The following PTBP2 variants were observed in gnomAD, a reference collection of about 807,000 sequenced individuals.
PTBP2 encodes polypyrimidine tract-binding protein 2.
A neutral mutation model predicts 61.4 loss-of-function variants in PTBP2; 13 were observed. That is an observed-to-expected ratio of 0.21 (90% CI 0.14 to 0.34). The LOEUF (loss-of-function observed/expected upper bound fraction) is 0.34. Ranked by LOEUF, PTBP2 falls within the 10% of genes least tolerant of loss-of-function variation. The probability of loss-of-function intolerance (pLI) is 1.00; values close to 1 mark genes in which losing one functional copy is unlikely to be tolerated. For synonymous variants in PTBP2, 215 were observed against 218.5 expected, an observed-to-expected ratio of 0.98 and a Z score of 0.14; for missense variants, 405 against 642.6, an observed-to-expected ratio of 0.63 and a Z score of 4.00.
chr1:96,737,336 C>T (rs1408925171), intron 2 of PTBP2, among the ~76,000 whole-genome samples: 4 of 152,128 alleles, frequency 2.6e-5, no homozygotes, highest in Admixed American at 6.5e-5. Context: ...GTTCATACTA[C>T]GTTTCTTTTG....
rs769100222 is a variant in PTBP2 at position 96,804,898 on chromosome 1, G to A, written c.1003G>A (p.Gly335Ser). ...GRVGMPGVSA[G>S]GNTVLLVSNL... The stretch of plus-strand genomic sequence containing the variant: ...AGTGGGTATGCCTGGAGTCTCAGCT[G>A]GTGGCAATACAGTCCTGTTGGTTAG... The change falls in exon 9 of 14, where the codon GGT becomes AGT. Residue 335 changes from glycine (G) to serine (S), a missense_variant. This residue lies in a region of PTBP2 where 342 missense variants were observed against 491.2 expected (regional missense o/e 0.70). Transcript: ENST00000674951. 1 of 1,610,794 alleles carries A rather than the reference G, an allele frequency of 6.2e-7. No individual in the cohort carries two copies. The highest frequency in any genetic ancestry group is 8.5e-7 in the Non-Finnish European group (1 of 1,178,158).
Position 96,813,427 on chromosome 1 carries a change from G to C in PTBP2, c.*22G>C, listed in dbSNP as rs1347103892. The C allele has an allele frequency of 6.4e-7, 1 of 1,561,292 alleles. No homozygotes were observed. The highest frequency in any genetic ancestry group is 1.9e-5 in the Admixed American group (1 of 52,658). ...TTAAAAATGGGAAGATGAAGATTGG[G>C]GGTGAATCACATTGTTCAATGTCAT... On this transcript the variant is annotated 3_prime_UTR_variant, in exon 14 of 14. Coordinates refer to ENST00000674951, the MANE Select transcript of PTBP2 (RefSeq NM_021190.4).
At chr1:96,731,949 A>T (rs966458394) in intron 2 of PTBP2, among the ~76,000 whole-genome samples, 1 of 152,164 alleles carries the variant, frequency 6.6e-6, no homozygotes, top group Non-Finnish European at 1.5e-5. Context: ...ATAATTCAGG[A>T]TGGTCCCCAA....
At position 96,770,862 on chromosome 1, in the gene PTBP2, G is replaced by T. The variant is rs1348014230; in HGVS notation, c.432+11G>T. 1 of 1,546,790 alleles carries T rather than the reference G, an allele frequency of 6.5e-7. No homozygotes were observed. Among genetic ancestry groups the T allele is most frequent in the East Asian group, 2.3e-5 (1 of 44,372 alleles). On this transcript the variant is annotated intron_variant, in intron 5 of 13. Coordinates refer to ENST00000674951, the MANE Select transcript of PTBP2 (RefSeq NM_021190.4). ...AATACATTAAACCAAGTAAGTATGT[G>T]TAGGTACATAAATAAAATGGCCTAG...
At chr1:96,783,197 T>C (rs1658882508) in intron 7 of PTBP2, among the ~76,000 whole-genome samples, 1 of 152,006 alleles carries the variant, frequency 6.6e-6, no homozygotes, top group Non-Finnish European at 1.5e-5. Context: ...TTATTTGTGG[T>C]CACCTCCTTT....
At chr1:96,737,245 C>T (rs569199095) in intron 2 of PTBP2, among the ~76,000 whole-genome samples, 3 of 152,132 alleles carry the variant, frequency 2.0e-5, no homozygotes, top group Non-Finnish European at 4.4e-5. Flanking sequence ...GGATTACAGG[C>T]GTGAGCCACT....
chr1:96,768,247 A>C (rs961595684), intron 3 of PTBP2, among the ~76,000 whole-genome samples: 2 of 151,904 alleles, frequency 1.3e-5, no homozygotes, highest in African/African-American at 2.4e-5. Context: ...CATCTTGTTC[A>C]CTCTCTGTAC....
intron 2 of PTBP2, among the ~76,000 whole-genome samples, chr1:96,748,877 C>T (rs748630066): frequency 6.6e-6 from 1 of 152,064 alleles, no homozygotes; most frequent in Non-Finnish European, 1.5e-5. Context: ...TGCTGAATCA[C>T]TTCTTTTGGG....
chr1:96,790,359 A>T (rs1429808066), intron 8 of PTBP2, among the ~76,000 whole-genome samples: 1 of 151,842 alleles, frequency 6.6e-6, no homozygotes, highest in African/African-American at 2.4e-5. Flanking sequence ...AGTGATTTTA[A>T]TGATGCTTTA....
intron 3 of PTBP2, among the ~76,000 whole-genome samples, chr1:96,762,574 C>A (rs575130628): frequency 3.1e-5 from 4 of 128,730 alleles, no homozygotes; most frequent in Non-Finnish European, 4.9e-5. Flanking sequence ...CCGGACGGGG[C>A]GGCTGGCCGG....
intron 11 of PTBP2, among the ~76,000 whole-genome samples, chr1:96,808,854 G>T (rs1661758982): frequency 6.6e-6 from 1 of 151,862 alleles, no homozygotes; most frequent in Non-Finnish European, 1.5e-5. Context: ...AAACTCTATG[G>T]TGTACTATTT....
At chr1:96,726,637 C>A (rs751628187) in intron 2 of PTBP2, among the ~76,000 whole-genome samples, 1 of 152,102 alleles carries the variant, frequency 6.6e-6, no homozygotes, top group Admixed American at 6.5e-5. Flanking sequence ...CAGAGTTTCA[C>A]CATGTTAGCC....
chr1:96,778,647 A>G (rs1658311735), intron 7 of PTBP2, among the ~76,000 whole-genome samples: 1 of 152,064 alleles, frequency 6.6e-6, no homozygotes, highest in Non-Finnish European at 1.5e-5. Context: ...TTCCATTATT[A>G]AGCCATTAAA....
At chr1:96,802,211 GAAAAAAAAAAA>G (rs5776325) in intron 8 of PTBP2, among the ~76,000 whole-genome samples, 5 of 54,038 alleles carry the variant, frequency 9.3e-5, no homozygotes, top group South Asian at 1.9e-3. Flanking sequence ...ACTCCGTCTC[GAAAAAAAAAAA>G]AAAAAAAAAA....
chr1:96,813,518 G>A lies in PTBP2; in HGVS notation c.*113G>A, dbSNP rs1009529887. 1 of 1,130,194 alleles carries A rather than the reference G, an allele frequency of 8.8e-7. No individual in the cohort carries two copies. 70.0% of individuals were successfully genotyped at this position (1,130,194 alleles called of 1,614,324 possible). On this transcript the variant is annotated 3_prime_UTR_variant, in exon 14 of 14. Transcript: ENST00000674951. ...ATTTTTTTTGTTTTTGTTTTTTTGGGGTTTCTTTTTTTTTTCCATGCTGTT... is the reference window on the plus strand; with the variant it reads ...ATTTTTTTTGTTTTTGTTTTTTTGGAGTTTCTTTTTTTTTTCCATGCTGTT...
intron 3 of PTBP2, among the ~76,000 whole-genome samples, chr1:96,767,370 A>ATTGGTC (rs1347469693): frequency 6.6e-6 from 1 of 152,014 alleles, no homozygotes; most frequent in Non-Finnish European, 1.5e-5. Flanking sequence ...TAGTATCTTT[A>ATTGGTC]TTGGTCTTTT....
At chr1:96,730,393 C>T (rs1035199151) in intron 2 of PTBP2, among the ~76,000 whole-genome samples, 4 of 151,974 alleles carry the variant, frequency 2.6e-5, no homozygotes, top group South Asian at 4.2e-4. Flanking sequence ...AATTTTGACA[C>T]GTATATTTTT....
At chr1:96,782,171 G>T (rs1015875296) in intron 7 of PTBP2, among the ~76,000 whole-genome samples, 3 of 151,842 alleles carry the variant, frequency 2.0e-5, no homozygotes, top group Non-Finnish European at 4.4e-5. Flanking sequence ...TCTTTATTAG[G>T]AATATCTTTA....
In PTBP2 at chr1:96,813,571, G is replaced by A. The variant is rs1378053968; in HGVS notation, c.*166G>A. Reference sequence around the variant, plus strand: ...CATTCCTTGGTTATAAAATGAAATGGCATATGTAAAGGCAGAGTTGTTAAC... The same window carrying A: ...CATTCCTTGGTTATAAAATGAAATGACATATGTAAAGGCAGAGTTGTTAAC... On this transcript the variant is annotated 3_prime_UTR_variant, in exon 14 of 14. Transcript: ENST00000674951. 1.7e-6 allele frequency: 1 copy of A among 585,110 alleles called. No individual in the cohort carries two copies. Among genetic ancestry groups the A allele is most frequent in the Non-Finnish European group, 2.6e-6 (1 of 379,534 alleles). The allele number at this position is 585,110 out of a possible 1,614,324, so 36.2% of individuals were successfully genotyped here.
Sources: gnomAD v4.1 joint callset for allele counts (sites outside exome capture counted in the v4.1 genomes callset) on GRCh38, gnomAD v4.1.1 for gene constraint, gnomAD v4.1.1 regional missense constraint, MANE v1.5 for transcripts, NCBI Gene and HGNC (gene_info 2026-07-23, HGNC 2026-07-21) for gene names.